Variants in ACTR3C observed in about 807,000 individuals in gnomAD.
ACTR3C encodes the protein actin related protein 3C.
In ACTR3C, 18 loss-of-function variants were observed where a neutral mutation model predicts 26.3. The ratio of observed to expected loss-of-function variants is 0.68; its 90% CI spans 0.47 to 1.01. ACTR3C has a LOEUF of 1.01. Ranked by LOEUF, ACTR3C falls within the 50% of genes least tolerant of loss-of-function variation. The pLI is 0.00. For synonymous variants in ACTR3C, 55 were observed against 94.5 expected, an observed-to-expected ratio of 0.58 and a Z score of 2.42; for missense variants, 184 against 250.7, an observed-to-expected ratio of 0.73 and a Z score of 1.80.
the ACTR3C span, among the ~76,000 whole-genome samples, chr7:150,059,458 C>G: frequency 6.6e-6 from 1 of 152,134 alleles, no homozygotes; most frequent in African/African-American, 2.4e-5. Flanking sequence ...ACTAGAAAAT[C>G]TGGAGGCAAA....
rs1303300668 is a variant in ACTR3C at position 150,284,821 on chromosome 7, A to C, written c.496T>G (p.Ser166Ala). 6.2e-7 allele frequency: 1 copy of C among 1,612,522 alleles called. No homozygotes were observed. The highest frequency in any genetic ancestry group is 1.7e-5 in the Admixed American group (1 of 59,720). ...ACTTCATCAACAACATCTGAGATGGACTCCATAGAGTCTGGGTTGGCAAAC... is the reference window on the plus strand; with the variant it reads ...ACTTCATCAACAACATCTGAGATGGCCTCCATAGAGTCTGGGTTGGCAAAC... Reference protein sequence around the residue: ...PEFANPDSMESISDVVDEVIQ... With the variant: ...PEFANPDSMEAISDVVDEVIQ... Residue 166 changes from serine to alanine, a missense_variant, in exon 6 of 8, where the codon TCC (serine) becomes GCC (alanine). By Grantham distance (99) the Ser-to-Ala change is moderately conservative. Coordinates refer to ENST00000683684, the MANE Select transcript of ACTR3C (RefSeq NM_001164458.2).
At chr7:150,287,310 C>CAAGAAA (rs1835864041) in intron 4 of ACTR3C, among the ~76,000 whole-genome samples, 1 of 151,982 alleles carries the variant, frequency 6.6e-6, no homozygotes, top group Non-Finnish European at 1.5e-5. Flanking sequence ...TGATAGGTCC[C>CAAGAAA]GGGGAAGAAA....
the ACTR3C span, among the ~76,000 whole-genome samples, chr7:150,215,571 C>A: frequency 1.3e-5 from 2 of 152,192 alleles, no homozygotes; most frequent in Non-Finnish European, 2.9e-5. Context: ...TGCAAAGAAT[C>A]CGTTGAGGTT....
At chr7:150,042,560 C>G in the ACTR3C span, among the ~76,000 whole-genome samples, 1 of 143,834 alleles carries the variant, frequency 7.0e-6, no homozygotes, top group African/African-American at 2.8e-5. Flanking sequence ...GGGGTTGGCT[C>G]TGAGTCCCCG....
At chr7:150,289,973 G>A (rs180843577) in intron 3 of ACTR3C, among the ~76,000 whole-genome samples, 1 of 152,258 alleles carries the variant, frequency 6.6e-6, no homozygotes, top group Admixed American at 6.5e-5. Flanking sequence ...TTTATAAATT[G>A]TTAAGCCAAC....
the ACTR3C span, among the ~76,000 whole-genome samples, chr7:149,958,909 C>G: frequency 6.4e-3 from 980 of 152,308 alleles, 9 homozygotes; most frequent in African/African-American, 0.022. Flanking sequence ...AACCCTGACC[C>G]CAGGAATTGT....
the ACTR3C span, among the ~76,000 whole-genome samples, chr7:149,962,009 G>A: frequency 3.5e-4 from 54 of 152,294 alleles, no homozygotes; most frequent in South Asian, 0.011. Flanking sequence ...TGTGCTCACC[G>A]GAAGTGTACA....
the ACTR3C span, among the ~76,000 whole-genome samples, chr7:150,076,037 CA>C: frequency 6.6e-6 from 1 of 152,094 alleles, no homozygotes; most frequent in South Asian, 2.1e-4. Flanking sequence ...TTGTCTCAAT[CA>C]GGGAGTGCCA....
At chr7:150,260,893 T>G (rs1164335778) in intron 6 of ACTR3C, among the ~76,000 whole-genome samples, 1 of 152,226 alleles carries the variant, frequency 6.6e-6, no homozygotes, top group Admixed American at 6.5e-5. Flanking sequence ...TGGACTTCTT[T>G]GCAGTCTGAC....
At chr7:150,034,503 G>T in the ACTR3C span, among the ~76,000 whole-genome samples, 1 of 151,520 alleles carries the variant, frequency 6.6e-6, no homozygotes, top group South Asian at 2.1e-4. Flanking sequence ...TCATACAAAG[G>T]CTTGGCTAAT....
chr7:149,915,925 A>T, the ACTR3C span, among the ~76,000 whole-genome samples: 1 of 151,244 alleles, frequency 6.6e-6, no homozygotes. Context: ...TCCATTCAAT[A>T]AAATTCTATA....
chr7:150,227,066 C>G, the ACTR3C span, among the ~76,000 whole-genome samples: 1 of 148,174 alleles, frequency 6.7e-6, no homozygotes, highest in African/African-American at 2.6e-5. Flanking sequence ...CATATATATA[C>G]ATTGTAGAAA....
chr7:150,099,348 T>C, the ACTR3C span, among the ~76,000 whole-genome samples: 6 of 151,420 alleles, frequency 4.0e-5, no homozygotes, highest in Non-Finnish European at 8.8e-5. Context: ...CATACATAAT[T>C]GATGGGCTAT....
At chr7:149,895,947 C>G in the ACTR3C span, among the ~76,000 whole-genome samples, 1 of 149,922 alleles carries the variant, frequency 6.7e-6, no homozygotes, top group South Asian at 2.1e-4. Flanking sequence ...CCTGTAATCC[C>G]AGCACTTTGG....
the ACTR3C span, among the ~76,000 whole-genome samples, chr7:150,003,663 T>C: frequency 6.6e-6 from 1 of 152,008 alleles, no homozygotes; most frequent in Admixed American, 6.6e-5. Context: ...GGAGTGTGTG[T>C]GGTATATAGT....
intron 6 of ACTR3C, among the ~76,000 whole-genome samples, chr7:150,249,964 C>T (rs1170929444): frequency 6.6e-6 from 1 of 152,142 alleles, no homozygotes; most frequent in East Asian, 1.9e-4. Context: ...GGTTAGGGTA[C>T]ATGGTGGATC....
chr7:149,991,628 T>G, the ACTR3C span, among the ~76,000 whole-genome samples: 1 of 152,244 alleles, frequency 6.6e-6, no homozygotes, highest in Non-Finnish European at 1.5e-5. Flanking sequence ...GAGCATCACC[T>G]CAGGCCCGGT....
At chr7:150,207,096 T>G in the ACTR3C span, among the ~76,000 whole-genome samples, 39 of 152,300 alleles carry the variant, frequency 2.6e-4, no homozygotes, top group Middle Eastern at 6.8e-3. Context: ...TTGCAAAGGA[T>G]TACAGTTATC....
downstream of ACTR3C, chr7:150,245,861 G>A (rs1832437001): frequency 6.6e-6 from 1 of 152,192 alleles, no homozygotes; most frequent in African/African-American, 2.4e-5. Flanking sequence ...TTTGTTTTGA[G>A]GCTTGTGTAG....
Sources: gnomAD v4.1 joint callset for allele counts (sites outside exome capture counted in the v4.1 genomes callset) on GRCh38, gnomAD v4.1.1 for gene constraint, MANE v1.5 for transcripts, NCBI Gene and HGNC (gene_info 2026-07-23, HGNC 2026-07-21) for gene names.